WWOX: variants seen among roughly 807,000 people sequenced by gnomAD.
The protein encoded by WWOX is WW domain-containing oxidoreductase.
WWOX carries 69 observed loss-of-function variants against 46.2 expected under a neutral mutation model. The observed-to-expected ratio is 1.49, with a 90% CI of 1.23 to 1.82. WWOX has a LOEUF of 1.82. Ranked by LOEUF, WWOX falls within the 40% of genes most tolerant of loss-of-function variation. The pLI is 0.00. For synonymous variants in WWOX, 359 were observed against 202.6 expected, an observed-to-expected ratio of 1.77 and a Z score of -6.56; for missense variants, 919 against 542.6, an observed-to-expected ratio of 1.69 and a Z score of -6.89.
intron 8 of WWOX, among the ~76,000 whole-genome samples, chr16:79,020,861 G>C (rs986639365): frequency 2.6e-5 from 4 of 152,122 alleles, no homozygotes; most frequent in Admixed American, 1.3e-4. Flanking sequence ...TACCACAAAA[G>C]TATAAAAAGC....
intron 5 of WWOX, among the ~76,000 whole-genome samples, chr16:78,215,767 A>T (rs2036699282): frequency 6.6e-6 from 1 of 152,078 alleles, no homozygotes; most frequent in African/African-American, 2.4e-5. Flanking sequence ...GCCTCTACTA[A>T]AAATACAAAA....
At chr16:78,851,223 A>T (rs1327961887) in intron 8 of WWOX, among the ~76,000 whole-genome samples, 2 of 152,200 alleles carry the variant, frequency 1.3e-5, no homozygotes, top group Non-Finnish European at 2.9e-5. Flanking sequence ...TACAGACTCT[A>T]CAATAACCAA....
Position 79,147,021 on chromosome 16 carries a change from C to T in WWOX, c.1057-64587C>T, listed in dbSNP as rs552949131. ...TCCCCCAGTGATAGCTTTTGCAAAA[C>T]AATTGTGCAATATCACAGTGTTGAC... is the stretch of plus-strand genomic sequence containing the variant. On this transcript the variant is annotated intron_variant, in intron 8 of 8. Transcript: ENST00000566780. 5.3e-5 allele frequency among the ~76,000 whole-genome samples: 8 copies of T among 152,318 alleles called. No individual in the cohort carries two copies. In the South Asian group the frequency reaches 1.5e-3, roughly 28 times the overall value.
At chr16:78,421,292 C>G (rs1035125451) in intron 6 of WWOX, among the ~76,000 whole-genome samples, 1 of 152,122 alleles carries the variant, frequency 6.6e-6, no homozygotes, top group African/African-American at 2.4e-5. Flanking sequence ...AGCATCTGTT[C>G]CATGCCTTTC....
chr16:78,687,256 C>T (rs929259305), intron 8 of WWOX, among the ~76,000 whole-genome samples: 1 of 152,002 alleles, frequency 6.6e-6, no homozygotes, highest in South Asian at 2.1e-4. Context: ...AAATATGAAC[C>T]CAATATGTTC....
At chr16:78,902,791 T>A (rs1040453378) in intron 8 of WWOX, among the ~76,000 whole-genome samples, 1 of 152,186 alleles carries the variant, frequency 6.6e-6, no homozygotes, top group Non-Finnish European at 1.5e-5. Context: ...TGTTGTGCTT[T>A]CCTCTGCCCT....
At chr16:78,535,215 G>C (rs1250748850) in intron 8 of WWOX, 2 of 152,216 alleles carry the variant, frequency 1.3e-5, no homozygotes, top group Non-Finnish European at 1.5e-5. Flanking sequence ...TGCTCAGGGA[G>C]ATAAGATCAC....
rs549671747 is a variant in WWOX, at chr16:78,173,018, C to T, written c.516+8729C>T. Among the ~76,000 whole-genome samples, 16 of 152,246 alleles carry T rather than the reference C, an allele frequency of 1.1e-4. No individual in the cohort carries two copies. In the South Asian group the frequency reaches 1.5e-3, roughly 14 times the overall value. On this transcript the variant is annotated intron_variant, in intron 5 of 8. Transcript: ENST00000566780. ...GGTGTTAGATTAAACAGAGGAGAAA[C>T]GGTCCTTGTGGTGATAAAACTTCCC...
At chr16:78,881,736 T>G (rs2044347381) in intron 8 of WWOX, among the ~76,000 whole-genome samples, 1 of 152,204 alleles carries the variant, frequency 6.6e-6, no homozygotes, top group Admixed American at 6.5e-5. Flanking sequence ...TGATCAATGA[T>G]TTTCTTTCTG....
Position 78,099,685 on chromosome 16 carries a change from A to C in WWOX, c.-94A>C. The C allele has an allele frequency of 7.0e-7, 1 of 1,433,368 alleles. No homozygotes were observed. Among genetic ancestry groups the C allele is most frequent in the Non-Finnish European group, 9.2e-7 (1 of 1,091,096 alleles). 88.8% of individuals were successfully genotyped at this position (1,433,368 alleles called of 1,614,324 possible). On this transcript the variant is annotated 5_prime_UTR_variant, in exon 1 of 9. Transcript: ENST00000566780. Reference sequence around the variant, plus strand: ...CGCAGGCGTGAGCGGTCGGGCCCCGACGCGCGCGGGTCTCGTTTGGAGCGG... The same window carrying C: ...CGCAGGCGTGAGCGGTCGGGCCCCGCCGCGCGCGGGTCTCGTTTGGAGCGG...
At chr16:78,933,245 C>T (rs1279989683) in intron 8 of WWOX, among the ~76,000 whole-genome samples, 1 of 152,216 alleles carries the variant, frequency 6.6e-6, no homozygotes, top group Admixed American at 6.5e-5. Flanking sequence ...TCGAGACCAG[C>T]CTGACCAACT....
At chr16:78,741,166 G>A (rs1221385951) in intron 8 of WWOX, among the ~76,000 whole-genome samples, 1 of 152,178 alleles carries the variant, frequency 6.6e-6, no homozygotes, top group African/African-American at 2.4e-5. Flanking sequence ...GAGTAGTTGT[G>A]ACAGAGACCA....
At chr16:78,247,086 C>T (rs986377672) in intron 5 of WWOX, among the ~76,000 whole-genome samples, 1 of 152,132 alleles carries the variant, frequency 6.6e-6, no homozygotes, top group East Asian at 1.9e-4. Flanking sequence ...TACGTGTTTG[C>T]TGCTCAGAAA....
chr16:78,556,944 C>G (rs1028739741), intron 8 of WWOX, among the ~76,000 whole-genome samples: 2 of 152,060 alleles, frequency 1.3e-5, no homozygotes, highest in African/African-American at 4.8e-5. Context: ...GTCTTGAACT[C>G]TTGACCTCAG....
At chr16:79,181,101 T>C (rs1390446583) in intron 8 of WWOX, among the ~76,000 whole-genome samples, 1 of 152,216 alleles carries the variant, frequency 6.6e-6, no homozygotes, top group Non-Finnish European at 1.5e-5. Flanking sequence ...CTCTACCTCT[T>C]CCCTTTGCTA....
At chr16:78,863,581 G>C (rs2043939507) in intron 8 of WWOX, among the ~76,000 whole-genome samples, 1 of 152,268 alleles carries the variant, frequency 6.6e-6, no homozygotes, top group East Asian at 1.9e-4. Flanking sequence ...TGTGAGAAGG[G>C]CCTAAGAGTG....
chr16:78,455,130 A>C (rs2083784168), intron 8 of WWOX, among the ~76,000 whole-genome samples: 1 of 152,158 alleles, frequency 6.6e-6, no homozygotes, highest in African/African-American at 2.4e-5. Context: ...TTCTGTCTTG[A>C]GGATAGATAG....
intron 8 of WWOX, among the ~76,000 whole-genome samples, chr16:78,695,966 TGGGCCCCGCCCCA>T (rs2048090032): frequency 3.3e-5 from 5 of 152,134 alleles, no homozygotes; most frequent in Non-Finnish European, 7.4e-5. Context: ...ATGCAGATCT[TGGGCCCCGCCCCA>T]GACCTCCTGA....
At chr16:78,235,350 G>A (rs2037400546) in intron 5 of WWOX, among the ~76,000 whole-genome samples, 1 of 152,134 alleles carries the variant, frequency 6.6e-6, no homozygotes, top group Admixed American at 6.5e-5. Flanking sequence ...GTCTGGTGGA[G>A]GGAAACAAGC....
Sources: allele counts gnomAD v4.1 joint callset (sites outside exome capture counted in the v4.1 genomes callset), GRCh38; gene constraint gnomAD v4.1.1; transcripts MANE v1.5; gene names NCBI Gene and HGNC (gene_info 2026-07-23, HGNC 2026-07-21).